The following CALHM1 variants were observed in gnomAD, a reference collection of about 807,000 sequenced individuals.
CALHM1 encodes calcium homeostasis modulator 1.
CALHM1 carries 11 observed loss-of-function variants against 14.8 expected under a neutral mutation model. The ratio of observed to expected loss-of-function variants is 0.74; its 90% CI spans 0.47 to 1.23. CALHM1 has a LOEUF of 1.23. CALHM1 is among the 50% of genes most tolerant of loss of function. The pLI, the probability that CALHM1 is intolerant of heterozygous loss-of-function variation, is 0.00. For missense variants in CALHM1, 458 were observed against 496.4 expected (o/e 0.92, Z 0.74); for synonymous variants, 215 against 218.9 (o/e 0.98, Z 0.16).
chr10:103,456,612 G>T (rs747384456), intron 1 of CALHM1, among the ~76,000 whole-genome samples: 10 of 152,232 alleles, frequency 6.6e-5, no homozygotes, highest in Non-Finnish European at 1.0e-4. Flanking sequence ...AGATGCCTAT[G>T]GGGCCAGGCA....
At chr10:103,456,151 GTGT>G (rs953527915) in intron 1 of CALHM1, among the ~76,000 whole-genome samples, 11 of 152,342 alleles carry the variant, frequency 7.2e-5, no homozygotes, top group Non-Finnish European at 1.0e-4. Context: ...CTATCTCAGA[GTGT>G]TGTTGTGAGG....
Position 103,458,702 on chromosome 10 carries a change from T to A in CALHM1, c.50A>T (p.Glu17Val), listed in dbSNP as rs745898923. 2 of 1,614,048 alleles carry A rather than the reference T, an allele frequency of 1.2e-6. No individual in the cohort carries two copies. Among genetic ancestry groups the A allele is most frequent in the Non-Finnish European group, 1.7e-6 (2 of 1,179,974 alleles). The change falls in exon 1 of 2, where the codon GAG becomes GTG. Residue 17 changes from glutamate (E) to valine (V), a missense_variant. Glu to Val is a moderately radical substitution (Grantham distance 121). Coordinates refer to ENST00000329905, the MANE Select transcript of CALHM1 (RefSeq NM_001001412.4). This position sits in a 1 kb window ranked among gnomAD's most constrained non-coding sequence, Gnocchi z 4.9. ...GCCACAGATGCCATTCATGAAGGAC[T>A]CCTGGTTGGACTGCAGGAACTGGAA... is the stretch of plus-strand genomic sequence containing the variant. Reference protein sequence around the residue: ...MIFQFLQSNQESFMNGICGIM... With the variant: ...MIFQFLQSNQVSFMNGICGIM...
At chr10:103,457,926 G>A (rs746772146) in intron 1 of CALHM1, among the ~76,000 whole-genome samples, 1 of 152,236 alleles carries the variant, frequency 6.6e-6, no homozygotes, top group Non-Finnish European at 1.5e-5. Context: ...TCAGGATGGG[G>A]ATGCAGGTCC....
At position 103,458,282 on chromosome 10, in the gene CALHM1, G is replaced by T; in HGVS notation, c.470C>A (p.Ala157Asp). The T allele has an allele frequency of 1.2e-6, 2 of 1,612,452 alleles. No individual in the cohort carries two copies. The highest frequency in any genetic ancestry group is 1.7e-6 in the Non-Finnish European group (2 of 1,179,708). ...LPAPELARLL[A>D]RVPCPEIYDG... The stretch of plus-strand genomic sequence containing the variant: ...GTAGATCTCAGGGCAGGGCACCCGG[G>T]CCAGCAGGCGGGCGAGCTCGGGGGC... The change falls in exon 1 of 2, where the codon GCC becomes GAC. Residue 157 changes from alanine to aspartate, a missense_variant. Physicochemically the swap from Ala to Asp is moderately radical, Grantham distance 126 (BLOSUM62 -2). Transcript: ENST00000329905. This position sits in a 1 kb window ranked among gnomAD's most constrained non-coding sequence, Gnocchi z 4.9.
chr10:103,458,638 G>A lies in CALHM1; in HGVS notation c.114C>T (p.Phe38=), dbSNP rs921351354. 9.9e-6 allele frequency: 16 copies of A among 1,613,870 alleles called. No homozygotes were observed. The highest frequency in any genetic ancestry group is 3.3e-4 in the Middle Eastern group (2 of 6,084). The change falls in exon 1 of 2, where the codon TTC becomes TTT. Residue 38 remains phenylalanine, a synonymous_variant. Transcript: ENST00000329905. This position sits in a 1 kb window ranked among gnomAD's most constrained non-coding sequence, Gnocchi z 4.9. The stretch of plus-strand genomic sequence containing the variant: ...CCGGCAGGCAGGGGCAGTTGAAGTC[G>A]AAGGCCGAGTACATCTGGGCACTGG... The part of the protein sequence containing the change: ...ALASAQMYSA[F]DFNCPCLPGY...
chr10:103,455,394 G>A lies in CALHM1; in HGVS notation c.909C>T (p.Leu303=). The change falls in exon 2 of 2, where the codon CTC becomes CTT. Residue 303 remains leucine (L), a synonymous_variant. Coordinates refer to ENST00000329905, the MANE Select transcript of CALHM1 (RefSeq NM_001001412.4). ...ITDQGTMNRL[L]TSWHKCKPPL... is the part of the protein sequence containing the mutation. ...GCGGTTTGCATTTGTGCCAGCTCGTGAGCAGCCTGTTCATGGTGCCTTGAT... is the reference window on the plus strand; with the variant it reads ...GCGGTTTGCATTTGTGCCAGCTCGTAAGCAGCCTGTTCATGGTGCCTTGAT... 2.5e-6 allele frequency: 4 copies of A among 1,613,996 alleles called. No homozygotes were observed. The highest frequency in any genetic ancestry group is 3.4e-6 in the Non-Finnish European group (4 of 1,180,046).
In CALHM1 at chr10:103,458,248, G is replaced by A. The variant is rs1373740253; in HGVS notation, c.504C>T (p.Asp168=). The A allele has an allele frequency of 6.2e-7, 1 of 1,613,008 alleles. No homozygotes were observed. Among genetic ancestry groups the A allele is most frequent in the Non-Finnish European group, 8.5e-7 (1 of 1,179,878 alleles). The change falls in exon 1 of 2, where the codon GAC becomes GAT. Residue 168 remains aspartate (D), a synonymous_variant. Transcript: ENST00000329905. The surrounding 1 kb of genome is among the most constrained non-coding windows in gnomAD (Gnocchi z 4.9). ...CGGCCACCTCTCGGGCCAACAGCCA[G>A]TCGCCATCGTAGATCTCAGGGCAGG... ...RVPCPEIYDG[D]WLLAREVAVR...
rs773066369 is a variant in CALHM1 at position 103,455,366 on chromosome 10, G to T, written c.937C>A (p.Leu313Met). The change falls in exon 2 of 2, where the codon CTG becomes ATG. Residue 313 changes from leucine to methionine, a missense_variant. Physicochemically the swap from Leu to Met is conservative, Grantham distance 15 (BLOSUM62 2). Transcript: ENST00000329905. The stretch of plus-strand genomic sequence containing the variant: ...GGTGGCTCCTCCTGGCCCAGCCGCA[G>T]AGGCGGTTTGCATTTGTGCCAGCTC... ...LTSWHKCKPP[L>M]RLGQEEPPLM... 1 of 1,613,868 alleles carries T rather than the reference G, an allele frequency of 6.2e-7. No individual in the cohort carries two copies. The highest frequency in any genetic ancestry group is 1.1e-5 in the South Asian group (1 of 91,088).
Position 103,458,094 on chromosome 10 carries a change from C to T in CALHM1, c.555+103G>A, listed in dbSNP as rs971000359. 1 of 1,373,388 alleles carries T rather than the reference C, an allele frequency of 7.3e-7. No homozygotes were observed. The highest frequency in any genetic ancestry group is 1.0e-6 in the Non-Finnish European group (1 of 998,316). The allele number at this position is 1,373,388 out of a possible 1,614,324, so 85.1% of individuals were successfully genotyped here. A position where few individuals can be genotyped will look rare whatever the true frequency, so the allele number is the denominator to read the frequency against. ...AGATGCCCCCCACACCTCGGAGCTCCACCTGAGCAGAGGCCCCATTTTGAG... is the reference window on the plus strand; with the variant it reads ...AGATGCCCCCCACACCTCGGAGCTCTACCTGAGCAGAGGCCCCATTTTGAG... On this transcript the variant is annotated intron_variant, in intron 1 of 1. Transcript: ENST00000329905. The surrounding 1 kb of genome is among the most constrained non-coding windows in gnomAD (Gnocchi z 4.9).
At chr10:103,456,647 G>A (rs1026838714) in intron 1 of CALHM1, among the ~76,000 whole-genome samples, 53 of 152,332 alleles carry the variant, frequency 3.5e-4, no homozygotes, top group African/African-American at 1.2e-3. Context: ...ACACGGGGTG[G>A]GGAGCCACTG....
intron 1 of CALHM1, among the ~76,000 whole-genome samples, chr10:103,456,979 TG>T (rs1490510762): frequency 2.0e-5 from 3 of 152,168 alleles, no homozygotes; most frequent in East Asian, 1.9e-4. Flanking sequence ...TTTTCTTTTT[TG>T]GAGACAGGGT....
At position 103,455,620 on chromosome 10, in the gene CALHM1, C is replaced by T. The variant is rs1330933311; in HGVS notation, c.683G>A (p.Arg228His). ...KYWSHYIDIERKLFDETCTEH... is the reference protein window; with the variant it reads ...KYWSHYIDIEHKLFDETCTEH... ...CGTGCACGTCTCGTCGAAGAGCTTG[C>T]GCTCGATGTCGATATAGTGGGACCA... The change falls in exon 2 of 2, where the codon CGC becomes CAC. Residue 228 changes from arginine to histidine, a missense_variant. Transcript: ENST00000329905. 7.4e-6 allele frequency: 12 copies of T among 1,613,752 alleles called. No individual in the cohort carries two copies. Among genetic ancestry groups the T allele is most frequent in the South Asian group, 3.3e-5 (3 of 91,094 alleles).
Position 103,455,296 on chromosome 10 carries a change from C to G in CALHM1, c.1007G>C (p.Arg336Pro), listed in dbSNP as rs372241091. ...GWAGGGPRPP[R>P]KEVATYFSKV Reference sequence around the variant, plus strand: ...GCTGAAGTAGGTGGCCACCTCCTTACGCGGAGGCCGGGGCCCACCCCCAGC... The same window carrying G: ...GCTGAAGTAGGTGGCCACCTCCTTAGGCGGAGGCCGGGGCCCACCCCCAGC... The change falls in exon 2 of 2, where the codon CGT (arginine) becomes CCT (proline). Residue 336 changes from arginine (R) to proline (P), a missense_variant. Arg to Pro is a moderately radical substitution (Grantham distance 103). Coordinates refer to ENST00000329905, the MANE Select transcript of CALHM1 (RefSeq NM_001001412.4). The G allele has an allele frequency of 6.2e-7, 1 of 1,611,858 alleles. No homozygotes were observed.
At position 103,455,675 on chromosome 10, in the gene CALHM1, T is replaced by A. The variant is rs1411917217; in HGVS notation, c.628A>T (p.Thr210Ser). Reference protein sequence around the residue: ...FVVRSVRPCFTQAAFLKSKYW... With the variant: ...FVVRSVRPCFSQAAFLKSKYW... ...TTGCTCTTGAGGAAGGCGGCCTGCGTGAAGCAGGGCCGCACAGAGCGCACC... is the reference window on the plus strand; with the variant it reads ...TTGCTCTTGAGGAAGGCGGCCTGCGAGAAGCAGGGCCGCACAGAGCGCACC... The change falls in exon 2 of 2, where the codon ACG becomes TCG. Residue 210 changes from threonine to serine, a missense_variant. Transcript: ENST00000329905. 6.2e-7 allele frequency: 1 copy of A among 1,613,470 alleles called. No individual in the cohort carries two copies. Among genetic ancestry groups the A allele is most frequent in the Non-Finnish European group, 8.5e-7 (1 of 1,180,044 alleles).
Position 103,455,238 on chromosome 10 carries a change from C to A in CALHM1, c.*24G>T. On this transcript the variant is annotated 3_prime_UTR_variant, in exon 2 of 2. Coordinates refer to ENST00000329905, the MANE Select transcript of CALHM1 (RefSeq NM_001001412.4). ...GGGGCTGTGGGCTCAGATCCCCGTT[C>A]CTGCCTCTTCAGCTGGCCACACCTC... 6.4e-7 allele frequency: 1 copy of A among 1,555,196 alleles called. No individual in the cohort carries two copies. The highest frequency in any genetic ancestry group is 1.2e-5 in the South Asian group (1 of 82,580).
Position 103,455,363 on chromosome 10 carries a change from G to T in CALHM1, c.940C>A (p.Arg314=). Residue 314 remains arginine (R), a synonymous_variant, in exon 2 of 2, where the codon CGG becomes AGG. Coordinates refer to ENST00000329905, the MANE Select transcript of CALHM1 (RefSeq NM_001001412.4). The part of the protein sequence containing the change: ...TSWHKCKPPL[R]LGQEEPPLMG... ...AGCGGTGGCTCCTCCTGGCCCAGCC[G>T]CAGAGGCGGTTTGCATTTGTGCCAG... 1.2e-6 allele frequency: 2 copies of T among 1,613,788 alleles called. No homozygotes were observed. Among genetic ancestry groups the T allele is most frequent in the Non-Finnish European group, 1.7e-6 (2 of 1,180,026 alleles).
At chr10:103,457,095 G>A (rs1473343462) in intron 1 of CALHM1, among the ~76,000 whole-genome samples, 1 of 152,170 alleles carries the variant, frequency 6.6e-6, no homozygotes, top group African/African-American at 2.4e-5. Flanking sequence ...CATCGTACCC[G>A]GCCCATTCTG....
rs1336376808 is a variant in CALHM1, at chr10:103,455,216, G to C, written c.*46C>G. On this transcript the variant is annotated 3_prime_UTR_variant, in exon 2 of 2. Transcript: ENST00000329905. ...TCCACCTGGTTTGGGGGTTGGAGGG[G>C]CTGTGGGCTCAGATCCCCGTTCCTG... The C allele has an allele frequency of 6.6e-7, 1 of 1,518,326 alleles. No homozygotes were observed. Among genetic ancestry groups the C allele is most frequent in the South Asian group, 1.3e-5 (1 of 77,390 alleles). The allele number at this position is 1,518,326 out of a possible 1,614,324, so 94.1% of individuals were successfully genotyped here.
At chr10:103,455,893 C>T (rs956372649) in intron 1 of CALHM1, 146 bp from the exon 2 acceptor site, 26 of 960,264 alleles carry the variant, frequency 2.7e-5, no homozygotes, top group South Asian at 1.6e-4. Flanking sequence ...TCCATTTCCT[C>T]ATCTGTAAAA....
Sources: allele counts gnomAD v4.1 joint callset (sites outside exome capture counted in the v4.1 genomes callset), GRCh38; gene constraint gnomAD v4.1.1; non-coding constraint Gnocchi (gnomAD v3.1); transcripts MANE v1.5; gene names NCBI Gene and HGNC (gene_info 2026-07-23, HGNC 2026-07-21).